OR10J1: variants seen among roughly 807,000 people sequenced by gnomAD.
The protein encoded by OR10J1 is olfactory receptor family 10 subfamily J member 1.
For missense variants in OR10J1, 474 were observed against 376.6 expected, an observed-to-expected ratio of 1.26 and a Z score of -2.14; for synonymous variants, 202 against 143.8, an observed-to-expected ratio of 1.40 and a Z score of -2.89.
the OR10J1 span, chr1:159,432,562 G>A: frequency 2.1e-6 from 1 of 472,270 alleles, no homozygotes; most frequent in Non-Finnish European, 3.9e-6. Flanking sequence ...ACAGCCATGG[G>A]GTATGACCAC....
chr1:159,423,474 C>A, the OR10J1 span, among the ~76,000 whole-genome samples: 1 of 152,170 alleles, frequency 6.6e-6, no homozygotes, highest in Non-Finnish European at 1.5e-5. Context: ...AAAGAGCAGG[C>A]AGGCATACTG....
chr1:159,432,072 C>T, the OR10J1 span: 2 of 398,108 alleles, frequency 5.0e-6, no homozygotes, highest in Non-Finnish European at 8.9e-6. Flanking sequence ...ATGTTGAGAG[C>T]ATCTGAAACC....
chr1:159,436,123 C>T (rs1655731166), upstream of OR10J1, among the ~76,000 whole-genome samples: 1 of 151,976 alleles, frequency 6.6e-6, no homozygotes, highest in Admixed American at 6.6e-5. Context: ...TTCTCCATTT[C>T]TACAGTCTTC....
At chr1:159,436,080 G>T (rs1655729756), upstream of OR10J1, among the ~76,000 whole-genome samples, 1 of 151,934 alleles carries the variant, frequency 6.6e-6, no homozygotes, top group African/African-American at 2.4e-5. Flanking sequence ...TGTCCTTTTT[G>T]CCAGATACCA....
the OR10J1 span, among the ~76,000 whole-genome samples, chr1:159,422,337 G>A: frequency 6.6e-6 from 1 of 152,180 alleles, no homozygotes; most frequent in African/African-American, 2.4e-5. Context: ...ACTGAGGAGG[G>A]TGGAGTTGCT....
At chr1:159,415,194 T>C in the OR10J1 span, among the ~76,000 whole-genome samples, 4 of 152,112 alleles carry the variant, frequency 2.6e-5, no homozygotes, top group Non-Finnish European at 4.4e-5. Context: ...AGTTATTTCA[T>C]AGTTTTGGGT....
chr1:159,439,608 G>A, upstream of OR10J1: 2 of 700,006 alleles, frequency 2.9e-6, no homozygotes, highest in South Asian at 1.9e-5. Flanking sequence ...GATGGTCACA[G>A]AGTAAAAATA....
the OR10J1 span, among the ~76,000 whole-genome samples, chr1:159,398,191 G>A: frequency 6.6e-6 from 1 of 152,160 alleles, no homozygotes; most frequent in African/African-American, 2.4e-5. Flanking sequence ...CAGCATTATT[G>A]GGCTTAGGGT....
chr1:159,424,795 A>G, the OR10J1 span, among the ~76,000 whole-genome samples: 1 of 152,236 alleles, frequency 6.6e-6, no homozygotes, highest in East Asian at 1.9e-4. Context: ...ACAGAAAAAT[A>G]GAGGAAGAAC....
chr1:159,432,377 GC>G, the OR10J1 span: 1 of 402,432 alleles, frequency 2.5e-6, no homozygotes. Flanking sequence ...AACTTCACAC[GC>G]CCATGTATTT....
the OR10J1 span, among the ~76,000 whole-genome samples, chr1:159,416,706 A>G: frequency 1.3e-5 from 2 of 151,982 alleles, no homozygotes; most frequent in African/African-American, 4.8e-5. Context: ...AAGCCATCCA[A>G]TTCTGGGATT....
the OR10J1 span, among the ~76,000 whole-genome samples, chr1:159,416,363 C>A: frequency 6.6e-6 from 1 of 151,400 alleles, no homozygotes; most frequent in Non-Finnish European, 1.5e-5. Flanking sequence ...CTTTCTTTGC[C>A]TAGTTTCTTG....
chr1:159,438,382 C>T (rs184420122), upstream of OR10J1, among the ~76,000 whole-genome samples: 6 of 152,290 alleles, frequency 3.9e-5, no homozygotes, highest in East Asian at 1.9e-4. Flanking sequence ...CATTTCACAT[C>T]GTGAATGGCC....
At chr1:159,431,102 A>T in the OR10J1 span, among the ~76,000 whole-genome samples, 1 of 152,200 alleles carries the variant, frequency 6.6e-6, no homozygotes, top group African/African-American at 2.4e-5. Flanking sequence ...CTCCACACGG[A>T]ACGGGGAGAC....
the OR10J1 span, among the ~76,000 whole-genome samples, chr1:159,412,374 G>A: frequency 3.7e-4 from 53 of 141,544 alleles, no homozygotes; most frequent in African/African-American, 1.2e-3. Context: ...AGCCCGCATC[G>A]CCAAGTCAAT....
the OR10J1 span, among the ~76,000 whole-genome samples, chr1:159,413,452 A>G: frequency 6.6e-6 from 1 of 152,048 alleles, no homozygotes; most frequent in African/African-American, 2.4e-5. Context: ...ATGTCCAACA[A>G]TGATAGATTG....
At chr1:159,435,696 G>A (rs560171767), upstream of OR10J1, among the ~76,000 whole-genome samples, 39 of 152,262 alleles carry the variant, frequency 2.6e-4, no homozygotes, top group South Asian at 8.1e-3. Flanking sequence ...GACTCCCATT[G>A]ACAATTCCAA....
chr1:159,404,181 G>T, the OR10J1 span, among the ~76,000 whole-genome samples: 1 of 152,046 alleles, frequency 6.6e-6, no homozygotes, highest in Non-Finnish European at 1.5e-5. Context: ...AATAAATAAG[G>T]CCTACTATTT....
chr1:159,414,170 C>A, the OR10J1 span, among the ~76,000 whole-genome samples: 1 of 151,958 alleles, frequency 6.6e-6, no homozygotes, highest in Admixed American at 6.6e-5. Context: ...CCCTAACCTG[C>A]TGTGGACCAT....
Sources: allele counts gnomAD v4.1 joint callset (sites outside exome capture counted in the v4.1 genomes callset), GRCh38; gene constraint gnomAD v4.1.1; transcripts MANE v1.5; gene names NCBI Gene and HGNC (gene_info 2026-07-23, HGNC 2026-07-21).